Variants in DNAH2 observed in about 807,000 individuals in gnomAD.
DNAH2 encodes axonemal beta dynein heavy chain 2.
Under a neutral mutation model 523.5 loss-of-function variants are expected in DNAH2, and 323 were observed. The ratio of observed to expected loss-of-function variants is 0.62; its 90% CI spans 0.56 to 0.68. The LOEUF (loss-of-function observed/expected upper bound fraction) is 0.68, where lower values mean the gene tolerates loss of function less well. DNAH2 is among the 30% of genes least tolerant of loss of function. The pLI, the probability that DNAH2 is intolerant of heterozygous loss-of-function variation, is 0.00. For missense variants in DNAH2, 4,907 were observed against 5,701.5 expected, an observed-to-expected ratio of 0.86 and a Z score of 4.49; for synonymous variants, 2,093 against 2,177.4, an observed-to-expected ratio of 0.96 and a Z score of 1.08.
rs995591356 is a variant in DNAH2, at chr17:7,754,886, A to T, written c.1905-2205A>T. 1.7e-6 allele frequency: 1 copy of T among 602,558 alleles called. No homozygotes were observed. The highest frequency in any genetic ancestry group is 2.2e-5 in the South Asian group (1 of 46,000). 37.3% of individuals were successfully genotyped at this position (602,558 alleles called of 1,614,324 possible). ...TGTCTGCCAACGTGAGGACAGAAGGACAGGTGCCACCCACCCCGGGCTGCC... is the reference window on the plus strand; with the variant it reads ...TGTCTGCCAACGTGAGGACAGAAGGTCAGGTGCCACCCACCCCGGGCTGCC... On this transcript the variant is annotated intron_variant, in intron 12 of 85. Coordinates refer to ENST00000572933, the MANE Select transcript of DNAH2 (RefSeq NM_020877.5). This position sits in a 1 kb window ranked among gnomAD's most constrained non-coding sequence, Gnocchi z 4.6.
intron 63 of DNAH2, among the ~76,000 whole-genome samples, chr17:7,809,802 C>G (rs931618041): frequency 6.6e-6 from 1 of 150,440 alleles, no homozygotes; most frequent in Non-Finnish European, 1.5e-5. Context: ...TCCTTTTTTA[C>G]GGACAAAGCC....
chr17:7,753,222 C>A (rs762267016), intron 12 of DNAH2, among the ~76,000 whole-genome samples: 36 of 152,092 alleles, frequency 2.4e-4, no homozygotes, highest in Non-Finnish European at 4.9e-4. Flanking sequence ...TTCCCTGAGG[C>A]AGGAGCGCCA....
intron 12 of DNAH2, 65 bp downstream of exon 12, chr17:7,743,207 TC>T: frequency 6.7e-7 from 1 of 1,502,358 alleles, no homozygotes; most frequent in Non-Finnish European, 9.2e-7. Context: ...AGAATTTCAC[TC>T]CCATCTTTTG....
Position 7,759,208 on chromosome 17 carries a change from C to CT in DNAH2, c.2448+90dup, listed in dbSNP as rs2075934845. The CT allele has an allele frequency of 3.8e-6, 6 of 1,563,014 alleles. No individual in the cohort carries two copies. The South Asian group carries it at 7.1e-5, about 19-fold the overall frequency. On this transcript the variant is annotated intron_variant, in intron 15 of 85. Transcript: ENST00000572933. ...CAGGCCATTCTCTTGCTCCCCGACCCTTTTTTCTTTTTTACCAGTGTGTAC... is the reference window on the plus strand; with the variant it reads ...CAGGCCATTCTCTTGCTCCCCGACCCTTTTTTTCTTTTTTACCAGTGTGTAC...
At position 7,805,249 on chromosome 17, in the gene DNAH2, C is replaced by T; in HGVS notation, c.9301-3C>T. The T allele has an allele frequency of 2.5e-6, 4 of 1,614,148 alleles. No homozygotes were observed. Among genetic ancestry groups the T allele is most frequent in the Non-Finnish European group, 3.4e-6 (4 of 1,180,010 alleles). On this transcript the variant is annotated splice_region_variant and splice_polypyrimidine_tract_variant and intron_variant, in intron 60 of 85. Coordinates refer to ENST00000572933, the MANE Select transcript of DNAH2 (RefSeq NM_020877.5). Reference sequence around the variant, plus strand: ...ACCCTCACTTTATCCCCTTTTCCCCCAGGCCCTGGAGTCTCTGAACAAGAA... The same window carrying T: ...ACCCTCACTTTATCCCCTTTTCCCCTAGGCCCTGGAGTCTCTGAACAAGAA...
intron 5 of DNAH2, among the ~76,000 whole-genome samples, chr17:7,733,530 T>C (rs975649791): frequency 6.9e-6 from 1 of 144,462 alleles, no homozygotes; most frequent in South Asian, 2.2e-4. Flanking sequence ...CAGGCTGGAG[T>C]GCAATGGCGC....
chr17:7,730,896 C>A (rs2074964039), intron 4 of DNAH2, among the ~76,000 whole-genome samples: 2 of 152,044 alleles, frequency 1.3e-5, no homozygotes, highest in Admixed American at 1.3e-4. Flanking sequence ...GGGTGGATTG[C>A]CTGAGCTCAG....
intron 28 of DNAH2, among the ~76,000 whole-genome samples, chr17:7,773,846 C>T (rs940328312): frequency 5.9e-5 from 9 of 152,252 alleles, no homozygotes; most frequent in African/African-American, 1.9e-4. Flanking sequence ...TCTCCTGCCT[C>T]AGCCTCCCGA....
At chr17:7,770,438 C>T in intron 25 of DNAH2, 30 bp downstream of exon 25, 1 of 1,611,228 alleles carries the variant, frequency 6.2e-7, no homozygotes, top group Non-Finnish European at 8.5e-7. Flanking sequence ...TGCTCCCACA[C>T]CTCCTGCGCC....
intron 3 of DNAH2, among the ~76,000 whole-genome samples, chr17:7,725,440 A>ATATATATATATATATATATATATATATT (rs958458949): frequency 2.3e-5 from 3 of 130,500 alleles, no homozygotes; most frequent in Admixed American, 8.0e-5. Context: ...ATATATATAT[A>ATATATATATATATATATATATATATATT]TTTTCTTTTT....
At chr17:7,727,754 CAAAA>C (rs766811062) in intron 4 of DNAH2, among the ~76,000 whole-genome samples, 1 of 48,974 alleles carries the variant, frequency 2.0e-5, no homozygotes, top group Admixed American at 2.2e-4. Context: ...GACTCTGTCT[CAAAA>C]AAAAAAAAAA....
chr17:7,790,900 T>A (rs2076878440), intron 44 of DNAH2, among the ~76,000 whole-genome samples: 1 of 151,704 alleles, frequency 6.6e-6, no homozygotes, highest in African/African-American at 2.4e-5. Context: ...TTGAGACAGG[T>A]TTCACTATGT....
rs1567709007 is a variant in DNAH2, at chr17:7,793,453, TTCTTTCTTTCTTTCTTTC to T, written c.7569+250_7569+267del. ...TTGCTTTTTCTTTCTTTCTTTTTCT[TTCTTTCTTTCTTTCTTTC>T]TTTCTTTCTTTCTTTCTTTCTTTCT... is the stretch of plus-strand genomic sequence containing the variant. On this transcript the variant is annotated intron_variant, in intron 48 of 85. Coordinates refer to ENST00000572933, the MANE Select transcript of DNAH2 (RefSeq NM_020877.5). Among the ~76,000 whole-genome samples, 154 of 121,886 alleles carry T rather than the reference TTCTTTCTTTCTTTCTTTC, an allele frequency of 1.3e-3. 3 individuals are homozygous for T. The highest frequency in any genetic ancestry group is 3.2e-3 in the African/African-American group (106 of 33,120). The allele number at this position is 121,886 out of a possible 152,430, so 80.0% of individuals were successfully genotyped here.
intron 32 of DNAH2, 106 bp downstream of exon 32, chr17:7,776,995 G>A (rs2076471961): frequency 1.1e-6 from 1 of 888,546 alleles, no homozygotes; most frequent in Non-Finnish European, 1.8e-6. Context: ...ACCAGCCTGG[G>A]CAATATGGCG....
intron 77 of DNAH2, 110 bp downstream of exon 77, chr17:7,824,837 A>G (rs2077975543): frequency 2.2e-5 from 22 of 1,022,028 alleles, no homozygotes; most frequent in Non-Finnish European, 2.7e-5. Flanking sequence ...ATTGTCCTCA[A>G]AAAATTCCAC....
Position 7,758,528 on chromosome 17 carries a change from C to T in DNAH2, c.2085C>T (p.Ala695=). The part of the protein sequence containing the change: ...IIAMLSPDEQ[A]LFKERIRLLD... ...CCATGCTGTCCCCAGATGAGCAGGC[C>T]CTATTCAAAGAGCGTATTCGGCTCC... The change falls in exon 14 of 86, where the codon GCC becomes GCT. Residue 695 remains alanine, a synonymous_variant. Coordinates refer to ENST00000572933, the MANE Select transcript of DNAH2 (RefSeq NM_020877.5). The T allele has an allele frequency of 1.2e-6, 2 of 1,614,026 alleles. No homozygotes were observed. Among genetic ancestry groups the T allele is most frequent in the Non-Finnish European group, 1.7e-6 (2 of 1,179,988 alleles).
At chr17:7,728,155 G>A (rs191758366) in intron 4 of DNAH2, among the ~76,000 whole-genome samples, 3 of 152,294 alleles carry the variant, frequency 2.0e-5, no homozygotes, top group African/African-American at 7.2e-5. Flanking sequence ...TTTCAACAGT[G>A]TGGAGAATAC....
intron 7 of DNAH2, among the ~76,000 whole-genome samples, chr17:7,735,719 G>A (rs191540185): frequency 2.2e-4 from 33 of 151,938 alleles, no homozygotes; most frequent in African/African-American, 7.7e-4. Context: ...GATTACAGGC[G>A]TGAGCTACCT....
At chr17:7,770,505 C>T (rs1486625350) in intron 25 of DNAH2, 52 bp from the exon 26 acceptor site, 2 of 1,613,104 alleles carry the variant, frequency 1.2e-6, no homozygotes, top group Non-Finnish European at 1.7e-6. Context: ...AGCTCCTGTT[C>T]CCCTTAGTGA....
Sources: allele counts gnomAD v4.1 joint callset (sites outside exome capture counted in the v4.1 genomes callset), GRCh38; gene constraint gnomAD v4.1.1; non-coding constraint Gnocchi (gnomAD v3.1); transcripts MANE v1.5; gene names NCBI Gene and HGNC (gene_info 2026-07-23, HGNC 2026-07-21).